Variants in MCTP2 observed in about 807,000 individuals in gnomAD.
The protein encoded by MCTP2 is multiple C2 and transmembrane domain containing 2, also known as multiple C2 and transmembrane domain-containing protein 2.
Under a neutral mutation model 111.6 loss-of-function variants are expected in MCTP2, and 132 were observed. The ratio of observed to expected loss-of-function variants is 1.18; its 90% CI spans 1.03 to 1.37. MCTP2 has a LOEUF of 1.37. Ranked by LOEUF, MCTP2 falls within the 40% of genes most tolerant of loss-of-function variation. The probability of loss-of-function intolerance (pLI) is 0.00; values close to 1 mark genes in which losing one functional copy is unlikely to be tolerated. For missense variants in MCTP2, 1,183 were observed against 1,067.9 expected (o/e 1.11, Z -1.50); for synonymous variants, 395 against 387.7 (o/e 1.02, Z -0.22).
intron 9 of MCTP2, among the ~76,000 whole-genome samples, chr15:94,357,520 A>G (rs770627258): frequency 1.8e-4 from 28 of 151,850 alleles, no homozygotes; most frequent in Non-Finnish European, 3.5e-4. Flanking sequence ...TACTGCATTT[A>G]ATTTGTGGTC....
intron 17 of MCTP2, among the ~76,000 whole-genome samples, chr15:94,406,598 C>A (rs1036015768): frequency 1.3e-5 from 2 of 152,128 alleles, no homozygotes; most frequent in African/African-American, 4.8e-5. Flanking sequence ...GATGATGAGA[C>A]CAAAATTAAA....
chr15:94,282,940 C>T (rs75762567), intron 1 of MCTP2, among the ~76,000 whole-genome samples: 2 of 152,006 alleles, frequency 1.3e-5, no homozygotes, highest in African/African-American at 2.4e-5. Flanking sequence ...TTCACAGTCC[C>T]CTAGCAGCAA....
intron 12 of MCTP2, among the ~76,000 whole-genome samples, chr15:94,374,884 A>G (rs2079676895): frequency 6.6e-6 from 1 of 152,196 alleles, no homozygotes; most frequent in Non-Finnish European, 1.5e-5. Flanking sequence ...GGGGGAGGAT[A>G]TGAAGTGACA....
intron 8 of MCTP2, among the ~76,000 whole-genome samples, chr15:94,352,240 C>T (rs563576321): frequency 1.3e-5 from 2 of 152,334 alleles, no homozygotes; most frequent in African/African-American, 4.8e-5. Flanking sequence ...AGTTTCTCCC[C>T]TTCCTGCCTC....
chr15:94,277,031 A>G (rs944603236), intron 1 of MCTP2, among the ~76,000 whole-genome samples: 56 of 152,014 alleles, frequency 3.7e-4, no homozygotes, highest in African/African-American at 1.3e-3. Context: ...TTGTCTACAT[A>G]GAAAATCATA....
At chr15:94,332,783 C>A (rs1016509463) in intron 4 of MCTP2, among the ~76,000 whole-genome samples, 1 of 152,176 alleles carries the variant, frequency 6.6e-6, no homozygotes, top group Non-Finnish European at 1.5e-5. Flanking sequence ...AATAAGTAAG[C>A]TTTTCCTACA....
At chr15:94,287,535 G>GA (rs1185447065) in intron 1 of MCTP2, among the ~76,000 whole-genome samples, 2 of 152,298 alleles carry the variant, frequency 1.3e-5, no homozygotes, top group South Asian at 4.1e-4. Context: ...CATACTTGGA[G>GA]AAACTATGGT....
intron 1 of MCTP2, among the ~76,000 whole-genome samples, chr15:94,282,320 C>T (rs1019855622): frequency 3.9e-5 from 6 of 152,306 alleles, no homozygotes; most frequent in East Asian, 3.9e-4. Context: ...ATTCTTTTCT[C>T]AGCTTTCTCT....
chr15:94,331,885 G>C (rs1259759821), intron 4 of MCTP2, among the ~76,000 whole-genome samples: 1 of 152,174 alleles, frequency 6.6e-6, no homozygotes, highest in Non-Finnish European at 1.5e-5. Context: ...ACATGGACAG[G>C]AAGGCCAGTA....
At chr15:94,354,256 T>C (rs559491287) in intron 8 of MCTP2, among the ~76,000 whole-genome samples, 1 of 152,284 alleles carries the variant, frequency 6.6e-6, no homozygotes, top group East Asian at 1.9e-4. Context: ...TGTGTCTGTG[T>C]GTTTTAAGAG....
intron 16 of MCTP2, 50 bp downstream of exon 16, chr15:94,400,045 C>G (rs763344170): frequency 6.7e-7 from 1 of 1,491,324 alleles, no homozygotes; most frequent in Non-Finnish European, 9.3e-7. Flanking sequence ...CAGCACCCAG[C>G]AGCTGAAGTA....
chr15:94,328,349 T>G (rs140385534), intron 4 of MCTP2, among the ~76,000 whole-genome samples: 13 of 151,928 alleles, frequency 8.6e-5, no homozygotes, highest in African/African-American at 9.7e-5. Flanking sequence ...AGGATGGTCT[T>G]GATCTCCTGA....
chr15:94,413,888 A>C lies in MCTP2; in HGVS notation c.2085+11869A>C, dbSNP rs534338579. On this transcript the variant is annotated intron_variant, in intron 17 of 22. Coordinates refer to ENST00000357742, the MANE Select transcript of MCTP2 (RefSeq NM_001385001.1). ...AGGAGATCTTTCTTTTCTGCTAGTT[A>C]AGGTTCAAGAGTTTTTAAATTGCTT... Among the ~76,000 whole-genome samples the C allele has an allele frequency of 9.9e-5, 15 of 152,262 alleles. No homozygotes were observed. In the South Asian group the frequency reaches 2.7e-3, roughly 27 times the overall value.
At chr15:94,385,617 G>A in intron 14 of MCTP2, 92 bp downstream of exon 14, 1 of 869,092 alleles carries the variant, frequency 1.2e-6, no homozygotes, top group East Asian at 2.4e-5. Context: ...GTCAACCTGG[G>A]GGAAAAAAAT....
intron 1 of MCTP2, among the ~76,000 whole-genome samples, chr15:94,262,618 G>T (rs1180539110): frequency 1.3e-5 from 2 of 151,854 alleles, no homozygotes; most frequent in African/African-American, 4.8e-5. Context: ...AATATATAGG[G>T]AGTTGGGCAT....
chr15:94,454,656 A>ATGTT (rs1198786420), intron 19 of MCTP2, among the ~76,000 whole-genome samples: 1 of 151,824 alleles, frequency 6.6e-6, no homozygotes, highest in Non-Finnish European at 1.5e-5. Flanking sequence ...TTTATTCAAA[A>ATGTT]TGTTTTATGA....
intron 1 of MCTP2, among the ~76,000 whole-genome samples, chr15:94,243,343 G>A (rs1427833585): frequency 2.9e-5 from 4 of 135,650 alleles, no homozygotes; most frequent in South Asian, 2.3e-4. Flanking sequence ...ATATGCGTAT[G>A]TACATACATA....
At chr15:94,247,410 T>C (rs1354732523) in intron 1 of MCTP2, among the ~76,000 whole-genome samples, 2 of 152,176 alleles carry the variant, frequency 1.3e-5, no homozygotes, top group African/African-American at 4.8e-5. Context: ...GACAGAGAGC[T>C]GGGCTTTAGG....
At chr15:94,276,843 C>CAA (rs10538124) in intron 1 of MCTP2, among the ~76,000 whole-genome samples, 2 of 130,618 alleles carry the variant, frequency 1.5e-5, no homozygotes, top group African/African-American at 2.8e-5. Flanking sequence ...TAAACTAACC[C>CAA]AAAAAAAAAA....
Sources: gnomAD v4.1 joint callset for allele counts (sites outside exome capture counted in the v4.1 genomes callset) on GRCh38, gnomAD v4.1.1 for gene constraint, MANE v1.5 for transcripts, NCBI Gene and HGNC (gene_info 2026-07-23, HGNC 2026-07-21) for gene names.